Variants in LRRC4C observed in about 807,000 individuals in gnomAD.
The protein encoded by LRRC4C is leucine rich repeat containing 4C, also known as leucine-rich repeat-containing protein 4C.
Under a neutral mutation model 33.6 loss-of-function variants are expected in LRRC4C, and 5 were observed. The ratio of observed to expected loss-of-function variants is 0.15; its 90% CI spans 0.08 to 0.31. LRRC4C has a LOEUF of 0.31. LRRC4C is among the 10% of genes least tolerant of loss of function. The probability of loss-of-function intolerance (pLI) is 1.00; values close to 1 mark genes in which losing one functional copy is unlikely to be tolerated. For synonymous variants in LRRC4C, 329 were observed against 302.0 expected, an observed-to-expected ratio of 1.09 and a Z score of -0.93; for missense variants, 560 against 796.7, an observed-to-expected ratio of 0.70 and a Z score of 3.58.
At chr11:40,971,175 A>T (rs1450679003) in intron 1 of LRRC4C, among the ~76,000 whole-genome samples, 1 of 152,202 alleles carries the variant, frequency 6.6e-6, no homozygotes, top group Non-Finnish European at 1.5e-5. Context: ...AGCCAGGGCA[A>T]TGGAGGAAAG....
Position 40,673,012 on chromosome 11 carries a change from A to G in LRRC4C, c.-406-24734T>C, listed in dbSNP as rs533233386. ...GCTCTTAAAAAATTGGAGTCAGAATATTACCTAAGCCTATCTTAAAAGAAA... is the reference window on the plus strand; with the variant it reads ...GCTCTTAAAAAATTGGAGTCAGAATGTTACCTAAGCCTATCTTAAAAGAAA... On this transcript the variant is annotated intron_variant, in intron 2 of 6. Coordinates refer to ENST00000528697, the MANE Select transcript of LRRC4C (RefSeq NM_001258419.2). 2.6e-5 allele frequency among the ~76,000 whole-genome samples: 4 copies of G among 151,708 alleles called. No homozygotes were observed. The South Asian group carries it at 8.3e-4, about 31-fold the overall frequency.
rs1452929619 is a variant in LRRC4C at position 40,187,248 on chromosome 11, C to A, written c.-95-46395G>T. On this transcript the variant is annotated intron_variant, in intron 5 of 6. Coordinates refer to ENST00000528697, the MANE Select transcript of LRRC4C (RefSeq NM_001258419.2). ...AATTACATCTGAACTCTTAACACTG[C>A]TCGGGAGCAGCAGAGGCACACTCAG... 2.6e-5 allele frequency among the ~76,000 whole-genome samples: 4 copies of A among 151,924 alleles called. No individual in the cohort carries two copies. In the East Asian group the frequency reaches 7.7e-4, roughly 29 times the overall value.
At chr11:40,868,488 C>T (rs1462603136) in intron 2 of LRRC4C, among the ~76,000 whole-genome samples, 3 of 152,096 alleles carry the variant, frequency 2.0e-5, no homozygotes, top group Non-Finnish European at 4.4e-5. Flanking sequence ...CAGGAAAACT[C>T]AGATGGAAAT....
At chr11:41,348,683 C>G (rs183808923) in intron 1 of LRRC4C, among the ~76,000 whole-genome samples, 1 of 151,908 alleles carries the variant, frequency 6.6e-6, no homozygotes, top group Non-Finnish European at 1.5e-5. Context: ...GGAGGCAGAG[C>G]CTGAGCTAAA....
chr11:41,109,064 T>C (rs550799481), intron 1 of LRRC4C, among the ~76,000 whole-genome samples: 1 of 152,116 alleles, frequency 6.6e-6, no homozygotes. Context: ...TAGTTTCTGA[T>C]AATATAAATT....
At chr11:40,867,560 A>G (rs888971830) in intron 2 of LRRC4C, among the ~76,000 whole-genome samples, 4 of 152,156 alleles carry the variant, frequency 2.6e-5, no homozygotes, top group African/African-American at 9.7e-5. Flanking sequence ...AATTGGGGGG[A>G]AAAAAGAAGC....
rs1456350828 is a variant in LRRC4C, at chr11:41,123,256, G to GTTTTTTTT, written c.-495-189534_-495-189533insAAAAAAAA. Among the ~76,000 whole-genome samples the GTTTTTTTT allele has an allele frequency of 1.6e-3, 169 of 107,100 alleles. 27 individuals carry two copies. Among genetic ancestry groups the GTTTTTTTT allele is most frequent in the African/African-American group, 4.7e-3 (120 of 25,322 alleles). 70.3% of individuals were successfully genotyped at this position (107,100 alleles called of 152,430 possible). A position where few individuals can be genotyped will look rare whatever the true frequency, so the allele number is the denominator to read the frequency against. On this transcript the variant is annotated intron_variant, in intron 1 of 6. Coordinates refer to ENST00000528697, the MANE Select transcript of LRRC4C (RefSeq NM_001258419.2). ...AAATGCTTTCTCTATCCTGAGCTAT[G>GTTTTTTTT]TTTTGTTTTTTTTTTTTTTTTTTTT...
At chr11:40,897,368 A>C (rs1381000742) in intron 2 of LRRC4C, among the ~76,000 whole-genome samples, 2 of 152,184 alleles carry the variant, frequency 1.3e-5, no homozygotes, top group African/African-American at 4.8e-5. Flanking sequence ...CCCTGAGAAA[A>C]ATCAAGAAAT....
chr11:40,826,747 T>C (rs1952185416), intron 2 of LRRC4C, among the ~76,000 whole-genome samples: 1 of 151,964 alleles, frequency 6.6e-6, no homozygotes, highest in Admixed American at 6.6e-5. Flanking sequence ...AATTTTTCCA[T>C]AATTTTCTCA....
chr11:41,085,928 C>CAAAAAAAAAAAAA (rs10717008), intron 1 of LRRC4C, among the ~76,000 whole-genome samples: 3 of 80,178 alleles, frequency 3.7e-5, no homozygotes, highest in Admixed American at 1.6e-4. Context: ...TTTAAGACAC[C>CAAAAAAAAAAAAA]AAAAAAAAAA....
chr11:41,063,578 T>C (rs1937961716), intron 1 of LRRC4C, among the ~76,000 whole-genome samples: 1 of 152,054 alleles, frequency 6.6e-6, no homozygotes, highest in African/African-American at 2.4e-5. Context: ...GACATGAGTG[T>C]TTCAAATAGA....
At chr11:41,044,444 T>C (rs1458969119) in intron 1 of LRRC4C, among the ~76,000 whole-genome samples, 1 of 152,120 alleles carries the variant, frequency 6.6e-6, no homozygotes, top group African/African-American at 2.4e-5. Flanking sequence ...CTTGACTCCA[T>C]AATGTTGAGA....
chr11:41,400,839 G>T (rs550373573), intron 1 of LRRC4C, among the ~76,000 whole-genome samples: 2 of 151,940 alleles, frequency 1.3e-5, no homozygotes, highest in South Asian at 4.1e-4. Flanking sequence ...GTTTATTTAA[G>T]GTTTAATGAC....
intron 3 of LRRC4C, among the ~76,000 whole-genome samples, chr11:40,616,961 T>G (rs1961912736): frequency 6.6e-6 from 1 of 151,614 alleles, no homozygotes. Flanking sequence ...ATGTTTTATT[T>G]TGTTTAGATC....
Position 40,657,377 on chromosome 11 carries a change from C to T in LRRC4C, c.-406-9099G>A, listed in dbSNP as rs139582874. Among the ~76,000 whole-genome samples, 369 of 152,318 alleles carry T rather than the reference C, an allele frequency of 2.4e-3. 4 individuals carry two copies. The highest frequency in any genetic ancestry group is 6.8e-3 in the Middle Eastern group (2 of 294). On this transcript the variant is annotated intron_variant, in intron 2 of 6. Transcript: ENST00000528697. Reference sequence around the variant, plus strand: ...GTGCTACACTGTAAGATGCTTCAAACAGAGCCATGTTCTCTGTAGGGCATG... The same window carrying T: ...GTGCTACACTGTAAGATGCTTCAAATAGAGCCATGTTCTCTGTAGGGCATG...
intron 1 of LRRC4C, among the ~76,000 whole-genome samples, chr11:41,444,473 C>T (rs560647409): frequency 1.1e-4 from 17 of 152,230 alleles, no homozygotes; most frequent in African/African-American, 1.2e-4. Context: ...TTTGTATTCA[C>T]GGGTGGGTGC....
intron 3 of LRRC4C, among the ~76,000 whole-genome samples, chr11:40,603,449 G>A (rs1255370189): frequency 6.6e-6 from 1 of 152,146 alleles, no homozygotes; most frequent in African/African-American, 2.4e-5. Flanking sequence ...TATAAGGTGT[G>A]CAGACAAAAA....
At chr11:40,996,893 C>G (rs1261385015) in intron 1 of LRRC4C, among the ~76,000 whole-genome samples, 1 of 152,016 alleles carries the variant, frequency 6.6e-6, no homozygotes, top group Middle Eastern at 3.2e-3. Context: ...GGGATCCGTC[C>G]CCATGAGCCA....
intron 1 of LRRC4C, among the ~76,000 whole-genome samples, chr11:40,955,333 A>G (rs1364583843): frequency 6.6e-6 from 1 of 151,798 alleles, no homozygotes; most frequent in African/African-American, 2.4e-5. Flanking sequence ...ATGTCTCTGT[A>G]TTCTATAGGA....
Sources: allele counts gnomAD v4.1 joint callset (sites outside exome capture counted in the v4.1 genomes callset), GRCh38; gene constraint gnomAD v4.1.1; transcripts MANE v1.5; gene names NCBI Gene and HGNC (gene_info 2026-07-23, HGNC 2026-07-21).